Variants in NIM1K observed in about 807,000 individuals in gnomAD.
The protein encoded by NIM1K is serine/threonine-protein kinase NIM1.
A neutral mutation model predicts 37.1 loss-of-function variants in NIM1K; 35 were observed. The ratio of observed to expected loss-of-function variants is 0.94; its 90% confidence interval spans 0.72 to 1.25. The LOEUF (loss-of-function observed/expected upper bound fraction) is 1.25, where lower values mean the gene tolerates loss of function less well. NIM1K is among the 50% of genes most tolerant of loss of function. The probability of loss-of-function intolerance (pLI) is 0.00; values close to 1 mark genes in which losing one functional copy is unlikely to be tolerated. For synonymous variants in NIM1K, 234 were observed against 206.6 expected (o/e 1.13, Z -1.14); for missense variants, 564 against 548.0 (o/e 1.03, Z -0.29).
At chr5:43,246,912 C>T (rs1344725969) in intron 2 of NIM1K, among the ~76,000 whole-genome samples, 1 of 152,108 alleles carries the variant, frequency 6.6e-6, no homozygotes, top group African/African-American at 2.4e-5. Flanking sequence ...CTTTACAGCT[C>T]GGCATAATTT....
Position 43,245,672 on chromosome 5 carries a change from TG to T in NIM1K, c.-101del. On this transcript the variant is annotated 5_prime_UTR_variant, in exon 2 of 4. Transcript: ENST00000326035. ...CTCTCAGGAAAACTCTTTTGAACCC[TG>T]GGCACCTGCTGTCCTCAGTTGGCAT... The T allele has an allele frequency of 8.8e-7, 1 of 1,131,664 alleles. No homozygotes were observed. The highest frequency in any genetic ancestry group is 1.2e-6 in the Non-Finnish European group (1 of 800,004). The allele number at this position is 1,131,664 out of a possible 1,614,324, so 70.1% of individuals were successfully genotyped here.
At chr5:43,232,930 C>A in intron 1 of NIM1K, 1 of 1,154,382 alleles carries the variant, frequency 8.7e-7, no homozygotes. Context: ...GTTGTAGGTG[C>A]CAGTGCAAAC....
intron 1 of NIM1K, chr5:43,232,419 G>T: frequency 1.4e-6 from 2 of 1,464,324 alleles, no homozygotes; most frequent in Non-Finnish European, 1.9e-6. Context: ...AATTCTGTCA[G>T]ATCAACATTC....
chr5:43,261,652 G>C (rs2112284872), intron 2 of NIM1K, among the ~76,000 whole-genome samples: 1 of 152,034 alleles, frequency 6.6e-6, no homozygotes, highest in East Asian at 1.9e-4. Context: ...TGTTGCCATT[G>C]CTTTTGGTGT....
intron 2 of NIM1K, among the ~76,000 whole-genome samples, chr5:43,247,171 A>G (rs1006693292): frequency 1.3e-5 from 2 of 151,180 alleles, no homozygotes; most frequent in East Asian, 3.9e-4. Context: ...TGACCCACAC[A>G]CTCCCAAGTC....
intron 2 of NIM1K, among the ~76,000 whole-genome samples, chr5:43,254,397 T>C (rs915995452): frequency 1.3e-5 from 2 of 152,192 alleles, no homozygotes; most frequent in African/African-American, 2.4e-5. Context: ...AGAGAAAGTA[T>C]GATACATAAA....
At chr5:43,213,203 TTCTTTCTTTCTTTCTTTC>T (rs879921111) in intron 1 of NIM1K, among the ~76,000 whole-genome samples, 896 of 57,318 alleles carry the variant, frequency 0.016, 18 homozygotes, top group Non-Finnish European at 0.021. Context: ...CTTTCTTTCT[TTCTTTCTTTCTTTCTTTC>T]TTTCCTTCTT....
chr5:43,255,018 CA>C (rs950814645), intron 2 of NIM1K, among the ~76,000 whole-genome samples: 10 of 151,930 alleles, frequency 6.6e-5, no homozygotes, highest in Non-Finnish European at 1.3e-4. Context: ...ATACTACAAC[CA>C]AAAAAATGTT....
At chr5:43,238,039 A>ATTTTTTTT (rs71608701) in intron 1 of NIM1K, among the ~76,000 whole-genome samples, 3 of 120,618 alleles carry the variant, frequency 2.5e-5, no homozygotes, top group Non-Finnish European at 1.7e-5. Flanking sequence ...CTTCAATTTA[A>ATTTTTTTT]TTTTTTTTTT....
At chr5:43,274,829 A>G (rs1052662318) in intron 2 of NIM1K, among the ~76,000 whole-genome samples, 1 of 152,130 alleles carries the variant, frequency 6.6e-6, no homozygotes, top group Admixed American at 6.5e-5. Flanking sequence ...AGCTGTATCC[A>G]TTTTCGTTTT....
intron 1 of NIM1K, among the ~76,000 whole-genome samples, chr5:43,210,382 A>G (rs6862836): frequency 1 from 151,837 of 152,314 alleles, 75,683 homozygotes; most frequent in Middle Eastern, 1. Context: ...CCATAAACAT[A>G]TATTGAGTAT....
chr5:43,275,256 G>A (rs1753321184), intron 2 of NIM1K, among the ~76,000 whole-genome samples: 1 of 152,096 alleles, frequency 6.6e-6, no homozygotes, highest in South Asian at 2.1e-4. Flanking sequence ...TAATAAATAA[G>A]TTAGCATCAT....
intron 1 of NIM1K, among the ~76,000 whole-genome samples, chr5:43,202,323 ATAGG>A (rs1752042643): frequency 6.6e-6 from 1 of 152,150 alleles, no homozygotes; most frequent in South Asian, 2.1e-4. Flanking sequence ...TGCTAGGATT[ATAGG>A]TGTAAGCCAC....
intron 1 of NIM1K, chr5:43,232,136 C>T: frequency 9.8e-7 from 1 of 1,018,122 alleles, no homozygotes. Flanking sequence ...GGGCACCAAA[C>T]CACAAATTAG....
rs769225325 is a variant in NIM1K, at chr5:43,245,744, C to T, written c.-32C>T. 33 of 1,542,490 alleles carry T rather than the reference C, an allele frequency of 2.1e-5. No homozygotes were observed. The highest frequency in any genetic ancestry group is 4.6e-4 in the Middle Eastern group (2 of 4,360). On this transcript the variant is annotated 5_prime_UTR_variant, in exon 2 of 4. Coordinates refer to ENST00000326035, the MANE Select transcript of NIM1K (RefSeq NM_153361.4). ...TCTGCTCCTGCACAACCTGCCTCTT[C>T]GCTGAGATGGAGACGTGAGCCCCCG...
intron 2 of NIM1K, among the ~76,000 whole-genome samples, chr5:43,274,128 C>T (rs904956299): frequency 3.9e-5 from 6 of 152,292 alleles, no homozygotes; most frequent in Non-Finnish European, 7.4e-5. Flanking sequence ...ATTGAGGCAC[C>T]TAGGGCAGAG....
chr5:43,245,569 C>A lies in NIM1K; in HGVS notation c.-207C>A. ...GAAATGTCTTGAGTGAGGCGAGCAGCTCCTGGCTGGGCTGGGCAGACTCAG... is the reference window on the plus strand; with the variant it reads ...GAAATGTCTTGAGTGAGGCGAGCAGATCCTGGCTGGGCTGGGCAGACTCAG... On this transcript the variant is annotated 5_prime_UTR_variant, in exon 2 of 4. Transcript: ENST00000326035. 1 of 491,346 alleles carries A rather than the reference C, an allele frequency of 2.0e-6. No homozygotes were observed. The highest frequency in any genetic ancestry group is 3.6e-6 in the Non-Finnish European group (1 of 279,374). 30.4% of individuals were successfully genotyped at this position (491,346 alleles called of 1,614,324 possible).
At chr5:43,244,185 A>C (rs958088929) in intron 1 of NIM1K, among the ~76,000 whole-genome samples, 2 of 152,252 alleles carry the variant, frequency 1.3e-5, no homozygotes, top group Non-Finnish European at 2.9e-5. Context: ...CCATACTTCC[A>C]AGGCAGTCTC....
At chr5:43,219,250 T>G (rs977816415) in intron 1 of NIM1K, among the ~76,000 whole-genome samples, 1 of 152,136 alleles carries the variant, frequency 6.6e-6, no homozygotes, top group Non-Finnish European at 1.5e-5. Context: ...GCCAACATAA[T>G]GAAACATATG....
Sources: gnomAD v4.1 joint callset for allele counts (sites outside exome capture counted in the v4.1 genomes callset) on GRCh38, gnomAD v4.1.1 for gene constraint, MANE v1.5 for transcripts, NCBI Gene and HGNC (gene_info 2026-07-23, HGNC 2026-07-21) for gene names.